STK35: variants seen among roughly 807,000 people sequenced by gnomAD.
STK35 encodes serine/threonine-protein kinase 35.
In STK35, 17 loss-of-function variants were observed where a neutral mutation model predicts 37.3. The ratio of observed to expected loss-of-function variants is 0.46; its 90% CI spans 0.31 to 0.68. STK35 has a LOEUF of 0.68. STK35 is among the 30% of genes least tolerant of loss of function. The pLI, the probability that STK35 is intolerant of heterozygous loss-of-function variation, is 0.05. For missense variants in STK35, 595 were observed against 746.7 expected (o/e 0.80, Z 2.37); for synonymous variants, 385 against 319.1 (o/e 1.21, Z -2.20).
chr20:2,106,463 G>A (rs1016728562), intron 2 of STK35, among the ~76,000 whole-genome samples: 2 of 152,172 alleles, frequency 1.3e-5, no homozygotes. Flanking sequence ...ACCACCCCTT[G>A]CCCCAATGGA....
intron 3 of STK35, among the ~76,000 whole-genome samples, chr20:2,133,886 T>C (rs916075069): frequency 6.6e-6 from 1 of 152,184 alleles, no homozygotes; most frequent in Non-Finnish European, 1.5e-5. Context: ...ACAGCTGACA[T>C]CTCTTTGCAG....
At chr20:2,143,332 T>G (rs1242963931) in intron 3 of STK35, among the ~76,000 whole-genome samples, 1 of 152,180 alleles carries the variant, frequency 6.6e-6, no homozygotes, top group Non-Finnish European at 1.5e-5. Flanking sequence ...TTACTGAACC[T>G]AGAGAGGGTT....
chr20:2,107,387 A>G (rs550475901), intron 2 of STK35, among the ~76,000 whole-genome samples: 2 of 152,224 alleles, frequency 1.3e-5, no homozygotes, highest in Non-Finnish European at 2.9e-5. Context: ...TTCTTTACCA[A>G]TTGTTTGATG....
chr20:2,110,572 G>A (rs866686205), intron 2 of STK35, among the ~76,000 whole-genome samples: 18 of 152,286 alleles, frequency 1.2e-4, no homozygotes, highest in Non-Finnish European at 2.5e-4. Context: ...TTTTTGTTGG[G>A]TGGGGAGGCT....
intron 3 of STK35, among the ~76,000 whole-genome samples, chr20:2,131,554 G>GGTGAGTCAGTGAGTGAGTA (rs895255944): frequency 2.0e-5 from 3 of 152,072 alleles, no homozygotes; most frequent in African/African-American, 7.2e-5. Flanking sequence ...AGTTGCTCTG[G>GGTGAGTCAGTGAGTGAGTA]GTGAGTCAGT....
Position 2,102,854 on chromosome 20 carries a change from C to T in STK35, c.381C>T (p.Leu127=), listed in dbSNP as rs767629409. The part of the protein sequence containing the change: ...AGGARAAPLL[L]PPPPAAMETG... ...GGGCCCGGGCAGCGCCGTTGCTGCT[C>T]CCCCCGCCGCCCGCAGCCATGGAAA... The change falls in exon 2 of 4, where the codon CTC becomes CTT. Residue 127 remains leucine (L), a synonymous_variant. Transcript: ENST00000381482. 11 of 1,548,182 alleles carry T rather than the reference C, an allele frequency of 7.1e-6. No individual in the cohort carries two copies. The highest frequency in any genetic ancestry group is 3.8e-5 in the Admixed American group (2 of 53,274).
chr20:2,111,881 C>T (rs184418431), intron 2 of STK35, among the ~76,000 whole-genome samples: 1 of 152,326 alleles, frequency 6.6e-6, no homozygotes, highest in Admixed American at 6.5e-5. Flanking sequence ...TCCCCTCATC[C>T]TGGGAGACGC....
At chr20:2,131,573 A>T (rs1332295072) in intron 3 of STK35, among the ~76,000 whole-genome samples, 1 of 152,298 alleles carries the variant, frequency 6.6e-6, no homozygotes, top group East Asian at 1.9e-4. Context: ...GTGAGTGAGT[A>T]ATGAGTCAGT....
At chr20:2,102,712 A>G in intron 1 of STK35, 56 bp from the exon 2 acceptor site, 2 of 1,314,236 alleles carry the variant, frequency 1.5e-6, no homozygotes, top group Non-Finnish European at 1.9e-6. Context: ...CCCGCGGCCT[A>G]CGCTCCTGGC....
chr20:2,124,525 C>G (rs553194619), intron 3 of STK35, among the ~76,000 whole-genome samples: 1 of 152,062 alleles, frequency 6.6e-6, no homozygotes, highest in South Asian at 2.1e-4. Context: ...ATCATGGGGT[C>G]GAGGTGGTAT....
rs1259049518 is a variant in STK35, at chr20:2,146,704, A to G, written c.*2958A>G. The G allele has an allele frequency of 6.6e-6, 1 of 152,176 alleles. No homozygotes were observed. Among genetic ancestry groups the G allele is most frequent in the Non-Finnish European group, 1.5e-5 (1 of 68,000 alleles). The allele number at this position is 152,176 out of a possible 1,614,324, so 9.4% of individuals were successfully genotyped here. A position where few individuals can be genotyped will look rare whatever the true frequency, so the allele number is the denominator to read the frequency against. On this transcript the variant is annotated 3_prime_UTR_variant, in exon 4 of 4. Transcript: ENST00000381482. ...ATTCCCAGAGAGCCACGGGGGAGGG[A>G]TCACCCTCACCCCCAACACCCTCTT...
At chr20:2,131,504 A>G (rs896047799) in intron 3 of STK35, among the ~76,000 whole-genome samples, 6 of 151,944 alleles carry the variant, frequency 3.9e-5, no homozygotes, top group Non-Finnish European at 5.9e-5. Flanking sequence ...TGGTATACCT[A>G]TATAGGGCAC....
intron 3 of STK35, among the ~76,000 whole-genome samples, chr20:2,143,301 C>T (rs1370529099): frequency 6.6e-6 from 1 of 152,222 alleles, no homozygotes; most frequent in Non-Finnish European, 1.5e-5. Context: ...GAGCTTCACT[C>T]TTCTCTTCTG....
At chr20:2,115,895 GC>G (rs373962357) in intron 2 of STK35, among the ~76,000 whole-genome samples, 15 of 150,620 alleles carry the variant, frequency 1.0e-4, no homozygotes, top group African/African-American at 3.0e-4. Context: ...GGCCACTCCT[GC>G]CCCCCCCTTC....
At chr20:2,113,533 T>A (rs1985659621) in intron 2 of STK35, among the ~76,000 whole-genome samples, 1 of 152,212 alleles carries the variant, frequency 6.6e-6, no homozygotes, top group African/African-American at 2.4e-5. Context: ...AATAGCCTGG[T>A]CTGCCTAGAA....
rs1230314383 is a variant in STK35 at position 2,103,291 on chromosome 20, G to T, written c.818G>T (p.Gly273Val). 6.2e-7 allele frequency: 1 copy of T among 1,613,068 alleles called. No individual in the cohort carries two copies. The highest frequency in any genetic ancestry group is 2.2e-5 in the East Asian group (1 of 44,782). Residue 273 changes from glycine (G) to valine (V), a missense_variant, in exon 2 of 4, where the codon GGG (glycine) becomes GTG (valine). By Grantham distance (109) the Gly-to-Val change is moderately radical. Around this residue, in one of 3 missense-constraint regions of STK35, gnomAD observed 97 missense variants for 146.4 expected, o/e 0.66. Coordinates refer to ENST00000381482, the MANE Select transcript of STK35 (RefSeq NM_080836.4). ...GAGGAGTGCGTCCTGCAGCGCAATG[G>T]GTTAGCCCAGCGCATGAGTCACGGC... is the stretch of plus-strand genomic sequence containing the variant. ...QFEECVLQRN[G>V]LAQRMSHGNK... is the part of the protein sequence containing the mutation.
At chr20:2,108,371 G>A (rs987573189) in intron 2 of STK35, among the ~76,000 whole-genome samples, 4 of 152,090 alleles carry the variant, frequency 2.6e-5, no homozygotes, top group African/African-American at 9.7e-5. Flanking sequence ...TCAGCTGGGC[G>A]TGGTGGCGGG....
At chr20:2,114,750 C>CT (rs1463790653) in intron 2 of STK35, among the ~76,000 whole-genome samples, 2 of 152,160 alleles carry the variant, frequency 1.3e-5, no homozygotes, top group African/African-American at 4.8e-5. Flanking sequence ...GACTTGTTTT[C>CT]TTTTTCCTTA....
intron 3 of STK35, among the ~76,000 whole-genome samples, chr20:2,136,929 A>G (rs1986096441): frequency 6.6e-6 from 1 of 152,134 alleles, no homozygotes; most frequent in Admixed American, 6.5e-5. Flanking sequence ...AGGCGTGTGG[A>G]TGGGAACCCA....
Sources: allele counts gnomAD v4.1 joint callset (sites outside exome capture counted in the v4.1 genomes callset), GRCh38; gene constraint gnomAD v4.1.1; regional missense constraint gnomAD v4.1.1; transcripts MANE v1.5; gene names NCBI Gene and HGNC (gene_info 2026-07-23, HGNC 2026-07-21).